POLR3K: variants seen among roughly 807,000 people sequenced by gnomAD.
POLR3K encodes the protein RNA polymerase III subunit K.
Under a neutral mutation model 13.5 loss-of-function variants are expected in POLR3K, and 11 were observed. The observed-to-expected ratio is 0.81, with a 90% CI of 0.51 to 1.35. The LOEUF (loss-of-function observed/expected upper bound fraction) is 1.35. Ranked by LOEUF, POLR3K falls within the 40% of genes most tolerant of loss-of-function variation. POLR3K has a pLI of 0.00. For missense variants in POLR3K, 144 were observed against 145.3 expected (o/e 0.99, Z 0.05); for synonymous variants, 56 against 51.5 (o/e 1.09, Z -0.38).
At position 52,765 on chromosome 16, in the gene POLR3K, C is replaced by CAAAAAA. The variant is rs946489081; in HGVS notation, c.111+705_111+710dup. On this transcript the variant is annotated intron_variant, in intron 1 of 2. Coordinates refer to ENST00000293860, the MANE Select transcript of POLR3K (RefSeq NM_016310.5). The stretch of plus-strand genomic sequence containing the variant: ...TGGGCGACAGAGCGGGACTCCGTCT[C>CAAAAAA]AAAAAAAAAAAAAAAAAAAAAAAAA... Among the ~76,000 whole-genome samples the CAAAAAA allele has an allele frequency of 8.0e-3, 267 of 33,340 alleles. 20 individuals are homozygous for CAAAAAA. Among genetic ancestry groups the CAAAAAA allele is most frequent in the Middle Eastern group, 0.016 (1 of 62 alleles). 21.9% of individuals were successfully genotyped at this position (33,340 alleles called of 152,430 possible). A position where few individuals can be genotyped will look rare whatever the true frequency, so the allele number is the denominator to read the frequency against.
intron 1 of POLR3K, among the ~76,000 whole-genome samples, chr16:52,511 T>C (rs1897345067): frequency 1.5e-5 from 2 of 137,228 alleles, no homozygotes; most frequent in Admixed American, 7.9e-5. Flanking sequence ...GGCTCACGCC[T>C]GTAATCCCAG....
At chr16:52,776 AAAAAAAAAAAAAAAAAAAACAAT>A (rs1897350769) in intron 1 of POLR3K, among the ~76,000 whole-genome samples, 1 of 24,124 alleles carries the variant, frequency 4.1e-5, no homozygotes. Context: ...AAAAAAAAAA[AAAAAAAAAAAAAAAAAAAACAAT>A]AAAAAAAAAT....
At chr16:51,218 G>C (rs886823870) in intron 2 of POLR3K, among the ~76,000 whole-genome samples, 4 of 152,082 alleles carry the variant, frequency 2.6e-5, no homozygotes, top group African/African-American at 9.7e-5. Context: ...CCTGTTGAGT[G>C]CCTCTTATAT....
At chr16:53,174 C>T (rs1048261595) in intron 1 of POLR3K, 1 of 360,302 alleles carries the variant, frequency 2.8e-6, no homozygotes, top group African/African-American at 2.1e-5. Flanking sequence ...TGGAGAAGAG[C>T]CGAAGGTTTC....
At position 47,316 on chromosome 16, in the gene POLR3K, A is replaced by G; in HGVS notation, c.*114T>C. On this transcript the variant is annotated 3_prime_UTR_variant, in exon 3 of 3. Coordinates refer to ENST00000293860, the MANE Select transcript of POLR3K (RefSeq NM_016310.5). ...CCTGGCTCTTCACCTCAAAAGGTTTATCTTTCCACCACACTAGCAAAGACC... is the reference window on the plus strand; with the variant it reads ...CCTGGCTCTTCACCTCAAAAGGTTTGTCTTTCCACCACACTAGCAAAGACC... 1 of 1,375,804 alleles carries G rather than the reference A, an allele frequency of 7.3e-7. No homozygotes were observed. Among genetic ancestry groups the G allele is most frequent in the Non-Finnish European group, 9.8e-7 (1 of 1,025,094 alleles). The allele number at this position is 1,375,804 out of a possible 1,614,324, so 85.2% of individuals were successfully genotyped here. A position where few individuals can be genotyped will look rare whatever the true frequency, so the allele number is the denominator to read the frequency against.
At chr16:48,702 T>G (rs1203881280) in intron 2 of POLR3K, among the ~76,000 whole-genome samples, 1 of 151,004 alleles carries the variant, frequency 6.6e-6, no homozygotes, top group South Asian at 2.1e-4. Flanking sequence ...TCCCAGCTAC[T>G]CGGGAGGCTG....
chr16:48,357 T>G (rs1897301972), intron 2 of POLR3K, among the ~76,000 whole-genome samples: 1 of 152,154 alleles, frequency 6.6e-6, no homozygotes, highest in Admixed American at 6.5e-5. Context: ...AGTCCCATGG[T>G]TCTTCTCAAA....
rs1555448499 is a variant in POLR3K, at chr16:46,744, A to AAAAT, written c.*682_*685dup. On this transcript the variant is annotated 3_prime_UTR_variant, in exon 3 of 3. Transcript: ENST00000293860. ...GTCTTAAATAAATAAATAAATAAAT[A>AAAAT]AAATAAATAAATAAATAAATAGTAT... is the stretch of plus-strand genomic sequence containing the variant. 2.5e-4 allele frequency: 26 copies of AAAAT among 104,836 alleles called. No homozygotes were observed. The South Asian group carries it at 4.5e-3, about 18-fold the overall frequency. The allele number at this position is 104,836 out of a possible 1,614,324, so 6.5% of individuals were successfully genotyped here. A position where few individuals can be genotyped will look rare whatever the true frequency, so the allele number is the denominator to read the frequency against.
At chr16:50,273 T>A (rs562918861) in intron 2 of POLR3K, among the ~76,000 whole-genome samples, 1 of 151,934 alleles carries the variant, frequency 6.6e-6, no homozygotes, top group African/African-American at 2.4e-5. Flanking sequence ...TGTTCTTTTA[T>A]AGGGGGAAAA....
Position 51,591 on chromosome 16 carries a change from C to A in POLR3K, c.166G>T (p.Ala56Ser), listed in dbSNP as rs200652769. 1.1e-4 allele frequency: 182 copies of A among 1,614,178 alleles called. No homozygotes were observed. The Middle Eastern group carries it at 2.0e-3, about 18-fold the overall frequency. ...GAGTCAACATTCTCCCAGGCAGCTG[C>A]TCCACCAAGCACATCATCCACTTCT... ...LKEVDDVLGG[A>S]AAWENVDSTA... The change falls in exon 2 of 3, where the codon GCA (alanine) becomes TCA (serine). Residue 56 changes from alanine to serine, a missense_variant. Coordinates refer to ENST00000293860, the MANE Select transcript of POLR3K (RefSeq NM_016310.5).
rs767411954 is a variant in POLR3K at position 52,446 on chromosome 16, C to CAAAAAAA, written c.112-808_112-802dup. Among the ~76,000 whole-genome samples, 20 of 74,196 alleles carry CAAAAAAA rather than the reference C, an allele frequency of 2.7e-4. 1 individual carries two copies. Among genetic ancestry groups the CAAAAAAA allele is most frequent in the South Asian group, 4.9e-4 (1 of 2,028 alleles). 48.7% of individuals were successfully genotyped at this position (74,196 alleles called of 152,430 possible). The stretch of plus-strand genomic sequence containing the variant: ...TGGGAAACAGAGCGAGACTCTGTCT[C>CAAAAAAA]AAAAAAAAAAAAAAAAAAAAAAAAA... On this transcript the variant is annotated intron_variant, in intron 1 of 2. Coordinates refer to ENST00000293860, the MANE Select transcript of POLR3K (RefSeq NM_016310.5).
intron 1 of POLR3K, chr16:52,957 G>C (rs1341698622): frequency 6.5e-6 from 1 of 154,210 alleles, no homozygotes; most frequent in African/African-American, 2.4e-5. Flanking sequence ...TGGCGATCTA[G>C]GGGAAGAGTG....
intron 2 of POLR3K, among the ~76,000 whole-genome samples, chr16:47,884 TA>T (rs56745954): frequency 1 from 106,020 of 106,022 alleles, 53,010 homozygotes; most frequent in Non-Finnish European, 1. Context: ...TAGGTATTAC[TA>T]TAATATCTTT....
intron 2 of POLR3K, among the ~76,000 whole-genome samples, chr16:51,143 A>C (rs1480653165): frequency 6.6e-6 from 1 of 152,180 alleles, no homozygotes; most frequent in Non-Finnish European, 1.5e-5. Context: ...CAGAAAGAAC[A>C]TACTTTTTTC....
intron 1 of POLR3K, among the ~76,000 whole-genome samples, chr16:52,595 C>G (rs1897346173): frequency 6.6e-6 from 1 of 150,556 alleles, no homozygotes; most frequent in Non-Finnish European, 1.5e-5. Flanking sequence ...GAAACCCCAT[C>G]TCTACTAAAA....
At position 47,437 on chromosome 16, in the gene POLR3K, C is replaced by T; in HGVS notation, c.320G>A (p.Arg107Lys). The T allele has an allele frequency of 6.2e-7, 1 of 1,613,034 alleles. No homozygotes were observed. Among genetic ancestry groups the T allele is most frequent in the South Asian group, 1.1e-5 (1 of 91,052 alleles). Residue 107 changes from arginine (R) to lysine (K), a missense_variant, in exon 3 of 3, where the codon AGG becomes AAG. Arg to Lys is a conservative substitution (Grantham distance 26). Transcript: ENST00000293860. ...AGCTGGGCCATCCTGGCCCTAATCC[C>T]TCCAGCGGTGTCCACACTGAGCATT... ...CCNAQCGHRW[R>K]D
intron 2 of POLR3K, among the ~76,000 whole-genome samples, chr16:48,175 C>A (rs895227626): frequency 6.6e-6 from 1 of 151,900 alleles, no homozygotes; most frequent in Non-Finnish European, 1.5e-5. Context: ...CAGGCATGAG[C>A]CACCGTGCCC....
chr16:51,096 T>C (rs1297968142), intron 2 of POLR3K, among the ~76,000 whole-genome samples: 1 of 152,140 alleles, frequency 6.6e-6, no homozygotes, highest in East Asian at 1.9e-4. Context: ...TAATTCAAGA[T>C]GAGATTAGGG....
rs1222058761 is a variant in POLR3K at position 51,627 on chromosome 16, G to C, written c.130C>G (p.Pro44Ala). 6.2e-7 allele frequency: 1 copy of C among 1,613,876 alleles called. No homozygotes were observed. Among genetic ancestry groups the C allele is most frequent in the East Asian group, 2.2e-5 (1 of 44,878 alleles). ...ITRKVTNRKY[P>A]KLKEVDDVLG... ...ACATCATCCACTTCTTTCAGTTTTG[G>C]GTACTTCCGATTTGTTACCTAACAA... is the stretch of plus-strand genomic sequence containing the variant. Residue 44 changes from proline to alanine, a missense_variant, in exon 2 of 3, where the codon CCA becomes GCA. Transcript: ENST00000293860.
Sources: gnomAD v4.1 joint callset for allele counts (sites outside exome capture counted in the v4.1 genomes callset) on GRCh38, gnomAD v4.1.1 for gene constraint, MANE v1.5 for transcripts, NCBI Gene and HGNC (gene_info 2026-07-23, HGNC 2026-07-21) for gene names.